Variants in IQGAP2 observed in about 807,000 individuals in gnomAD.
IQGAP2 encodes IQ motif containing GTPase activating protein 2.
IQGAP2 carries 173 observed loss-of-function variants against 201.3 expected under a neutral mutation model. That is an observed-to-expected ratio of 0.86 (90% CI 0.76 to 0.98). The LOEUF (loss-of-function observed/expected upper bound fraction) is 0.98. IQGAP2 is among the 50% of genes least tolerant of loss of function. IQGAP2 has a pLI of 0.00. For synonymous variants in IQGAP2, 675 were observed against 673.9 expected, an observed-to-expected ratio of 1.00 and a Z score of -0.03; for missense variants, 1,687 against 1,864.8, an observed-to-expected ratio of 0.90 and a Z score of 1.76.
chr5:76,531,493 T>C (rs1049174067), intron 2 of IQGAP2, among the ~76,000 whole-genome samples: 8 of 152,260 alleles, frequency 5.3e-5, no homozygotes, highest in Middle Eastern at 3.4e-3. Flanking sequence ...CAAGCTCTTT[T>C]GATAGCAGCA....
chr5:76,591,677 C>T (rs1039211297), intron 8 of IQGAP2, among the ~76,000 whole-genome samples: 5 of 152,188 alleles, frequency 3.3e-5, no homozygotes, highest in Admixed American at 2.0e-4. Context: ...TCTCCTCTTC[C>T]TTCTCCCTCT....
At chr5:76,511,509 T>C (rs1355884462) in intron 2 of IQGAP2, among the ~76,000 whole-genome samples, 2 of 152,218 alleles carry the variant, frequency 1.3e-5, no homozygotes, top group African/African-American at 4.8e-5. Flanking sequence ...CCACTGCACC[T>C]GTAGCTGTGA....
intron 15 of IQGAP2, 104 bp from the exon 16 acceptor site, chr5:76,636,930 G>T (rs1751176799): frequency 2.1e-6 from 2 of 964,804 alleles, no homozygotes; most frequent in Non-Finnish European, 2.9e-6. Flanking sequence ...CTGTCTGAAG[G>T]TTTGGTGAAA....
chr5:76,551,007 C>T lies in IQGAP2; in HGVS notation c.147-11389C>T, dbSNP rs1014439331. Among the ~76,000 whole-genome samples the T allele has an allele frequency of 4.7e-5, 7 of 149,372 alleles. No homozygotes were observed. In the South Asian group the frequency reaches 8.5e-4, roughly 18 times the overall value. On this transcript the variant is annotated intron_variant, in intron 2 of 35. Coordinates refer to ENST00000274364, the MANE Select transcript of IQGAP2 (RefSeq NM_006633.5). ...GGCTGCCCCCCACCTCCCTCCCGGA[C>T]GGGGGTGGCTGGCCGGGCAGAGAGG...
chr5:76,595,658 G>A (rs550565215), intron 9 of IQGAP2, among the ~76,000 whole-genome samples: 31 of 152,034 alleles, frequency 2.0e-4, no homozygotes, highest in African/African-American at 6.8e-4. Context: ...ATACTGTAGA[G>A]ACTGAGGTCG....
chr5:76,693,549 C>G (rs891069845), intron 31 of IQGAP2, 107 bp downstream of exon 31: 5 of 739,550 alleles, frequency 6.8e-6, no homozygotes, highest in Non-Finnish European at 1.1e-5. Context: ...TGACATGGTC[C>G]GGAAGTAAGG....
At chr5:76,601,132 T>G (rs1477885060) in intron 11 of IQGAP2, among the ~76,000 whole-genome samples, 160 bp downstream of exon 11, 1 of 152,260 alleles carries the variant, frequency 6.6e-6, no homozygotes, top group Non-Finnish European at 1.5e-5. Flanking sequence ...TATCCTTGTT[T>G]ACAGTATTCC....
Position 76,695,673 on chromosome 5 carries a change from G to A in IQGAP2, c.4206+7G>A, listed in dbSNP as rs746030154. The A allele has an allele frequency of 1.8e-5, 29 of 1,608,388 alleles. No individual in the cohort carries two copies. Among genetic ancestry groups the A allele is most frequent in the Admixed American group, 5.0e-5 (3 of 59,950 alleles). On this transcript the variant is annotated splice_region_variant and intron_variant, in intron 32 of 35. Coordinates refer to ENST00000274364, the MANE Select transcript of IQGAP2 (RefSeq NM_006633.5). The stretch of plus-strand genomic sequence containing the variant: ...TCTCAATGAGATTGCCAAGGTTTTT[G>A]GAAACAGTATTCTTTCTTCCTTCAC...
At chr5:76,656,185 G>GA (rs1345347983) in intron 20 of IQGAP2, among the ~76,000 whole-genome samples, 13 of 150,942 alleles carry the variant, frequency 8.6e-5, no homozygotes, top group Non-Finnish European at 4.4e-5. Context: ...GTTGTTTTTG[G>GA]GGTTTTTTGT....
Position 76,403,627 on chromosome 5 carries a change from T to G in IQGAP2, c.46+36T>G. On this transcript the variant is annotated intron_variant, in intron 1 of 35. Coordinates refer to ENST00000274364, the MANE Select transcript of IQGAP2 (RefSeq NM_006633.5). The surrounding 1 kb of genome is among the most constrained non-coding windows in gnomAD (Gnocchi z 4.8). ...CGGGCGCGCGGGGTTCCTGCTGGCC[T>G]TGGGGAGCTCCCTCCCCGAGGACGG... The G allele has an allele frequency of 6.8e-7, 1 of 1,478,998 alleles. No homozygotes were observed. Among genetic ancestry groups the G allele is most frequent in the Non-Finnish European group, 9.0e-7 (1 of 1,114,408 alleles). 91.6% of individuals were successfully genotyped at this position (1,478,998 alleles called of 1,614,324 possible).
In IQGAP2 at chr5:76,701,071, G is replaced by C; in HGVS notation, c.4368-5G>C. On this transcript the variant is annotated splice_region_variant and splice_polypyrimidine_tract_variant and intron_variant, in intron 33 of 35. Transcript: ENST00000274364. ...ACAACAAATGTTCTGTTCTTATTTT[G>C]TCAGAAATACTCGGAGATCAATTAA... is the stretch of plus-strand genomic sequence containing the variant. The C allele has an allele frequency of 6.2e-7, 1 of 1,613,922 alleles. No individual in the cohort carries two copies. Among genetic ancestry groups the C allele is most frequent in the Admixed American group, 1.7e-5 (1 of 59,988 alleles).
chr5:76,685,045 C>G (rs372193647), intron 30 of IQGAP2, among the ~76,000 whole-genome samples: 4 of 152,262 alleles, frequency 2.6e-5, no homozygotes, highest in Middle Eastern at 3.4e-3. Flanking sequence ...AGTGGGTAAG[C>G]TGGAAACAGC....
At chr5:76,707,068 G>C (rs925633963) in intron 35 of IQGAP2, 132 bp from the exon 36 acceptor site, 2 of 617,596 alleles carry the variant, frequency 3.2e-6, no homozygotes. Flanking sequence ...ACCAACCTGG[G>C]CAACATAGTT....
At chr5:76,447,702 G>T (rs4704313) in intron 1 of IQGAP2, among the ~76,000 whole-genome samples, 151,210 of 152,234 alleles carry the variant, frequency 0.99, 75,116 homozygotes, top group Middle Eastern at 1. Context: ...GAGACCTCTG[G>T]GCTGTTAAAC....
At chr5:76,417,406 C>T (rs1262472559) in intron 1 of IQGAP2, among the ~76,000 whole-genome samples, 2 of 151,922 alleles carry the variant, frequency 1.3e-5, no homozygotes, top group African/African-American at 4.8e-5. Flanking sequence ...TCTCCTGCCT[C>T]AGCCTCCTGA....
intron 2 of IQGAP2, among the ~76,000 whole-genome samples, chr5:76,488,345 C>G (rs1051265506): frequency 1.3e-5 from 2 of 152,082 alleles, no homozygotes; most frequent in East Asian, 3.8e-4. Flanking sequence ...AAGGTCAGAT[C>G]CTTCTCTTAT....
At chr5:76,460,625 CT>C (rs1754392640) in intron 1 of IQGAP2, among the ~76,000 whole-genome samples, 1 of 152,126 alleles carries the variant, frequency 6.6e-6, no homozygotes, top group Admixed American at 6.5e-5. Context: ...AGCTTCTGTA[CT>C]TTTCTGAAAT....
chr5:76,461,367 CAAA>C (rs35974708), intron 1 of IQGAP2, among the ~76,000 whole-genome samples, 200 bp from the exon 2 acceptor site: 1 of 96,706 alleles, frequency 1.0e-5, no homozygotes, highest in African/African-American at 3.7e-5. Flanking sequence ...GTTCCTGTCT[CAAA>C]AAAAAAAAAA....
intron 1 of IQGAP2, among the ~76,000 whole-genome samples, chr5:76,432,276 C>T (rs1752419807): frequency 6.6e-6 from 1 of 151,896 alleles, no homozygotes; most frequent in Non-Finnish European, 1.5e-5. Flanking sequence ...AGGCATGCAC[C>T]ACCACGCCAG....
Sources: allele counts gnomAD v4.1 joint callset (sites outside exome capture counted in the v4.1 genomes callset), GRCh38; gene constraint gnomAD v4.1.1; non-coding constraint Gnocchi (gnomAD v3.1); transcripts MANE v1.5; gene names NCBI Gene and HGNC (gene_info 2026-07-23, HGNC 2026-07-21).